PTPRD: variants seen among roughly 807,000 people sequenced by gnomAD.
PTPRD encodes protein tyrosine phosphatase receptor type D.
PTPRD carries 34 observed loss-of-function variants against 214.5 expected under a neutral mutation model. That is an observed-to-expected ratio of 0.16 (90% CI 0.12 to 0.21). The LOEUF (loss-of-function observed/expected upper bound fraction) is 0.21, where lower values mean the gene tolerates loss of function less well. Ranked by LOEUF, PTPRD falls within the 10% of genes least tolerant of loss-of-function variation. The probability of loss-of-function intolerance (pLI) is 1.00; values close to 1 mark genes in which losing one functional copy is unlikely to be tolerated. For missense variants in PTPRD, 2,545 were observed against 2,398.7 expected, an observed-to-expected ratio of 1.06 and a Z score of -1.27; for synonymous variants, 1,128 against 845.7, an observed-to-expected ratio of 1.33 and a Z score of -5.79.
chr9:9,804,399 T>G (rs958740546), intron 5 of PTPRD, among the ~76,000 whole-genome samples: 2 of 152,106 alleles, frequency 1.3e-5, no homozygotes, highest in Non-Finnish European at 2.9e-5. Context: ...TAAAAAAAGT[T>G]TAAATGGGTA....
chr9:9,275,038 T>A, intron 9 of PTPRD, among the ~76,000 whole-genome samples: 1 of 110,410 alleles, frequency 9.1e-6, no homozygotes, highest in African/African-American at 3.5e-5. Flanking sequence ...AAAATCCCTT[T>A]GTTTCCATAT....
chr9:9,305,656 A>T (rs546171652), intron 9 of PTPRD, among the ~76,000 whole-genome samples: 1 of 152,284 alleles, frequency 6.6e-6, no homozygotes, highest in African/African-American at 2.4e-5. Flanking sequence ...GATGTAATAA[A>T]CTTAAAATGA....
intron 9 of PTPRD, among the ~76,000 whole-genome samples, chr9:9,288,933 T>C (rs1950322284): frequency 6.6e-6 from 1 of 151,854 alleles, no homozygotes; most frequent in African/African-American, 2.4e-5. Flanking sequence ...AAGCACATGC[T>C]TTCTTCCCCT....
At chr9:9,000,400 G>C (rs891774677) in intron 11 of PTPRD, among the ~76,000 whole-genome samples, 1 of 152,024 alleles carries the variant, frequency 6.6e-6, no homozygotes, top group Non-Finnish European at 1.5e-5. Flanking sequence ...TAAGAGTAAA[G>C]AGAGAAGACA....
intron 11 of PTPRD, among the ~76,000 whole-genome samples, chr9:8,841,835 A>C (rs1601595118): frequency 6.6e-6 from 1 of 151,990 alleles, no homozygotes; most frequent in Non-Finnish European, 1.5e-5. Flanking sequence ...AACATGGTGA[A>C]CCCCATCTCT....
chr9:9,284,161 C>T (rs1341088516), intron 9 of PTPRD, among the ~76,000 whole-genome samples: 1 of 151,562 alleles, frequency 6.6e-6, no homozygotes, highest in African/African-American at 2.4e-5. Context: ...TAAAATAATT[C>T]CTTTTCTTGG....
At chr9:9,589,467 T>C (rs1273127281) in intron 7 of PTPRD, among the ~76,000 whole-genome samples, 1 of 152,040 alleles carries the variant, frequency 6.6e-6, no homozygotes, top group Non-Finnish European at 1.5e-5. Flanking sequence ...GACAGGTTGC[T>C]GGTGTTTCTG....
intron 8 of PTPRD, among the ~76,000 whole-genome samples, chr9:9,431,032 C>T (rs150198514): frequency 0.065 from 9,823 of 152,148 alleles, 352 homozygotes; most frequent in Middle Eastern, 0.17. Context: ...GCAATGGCAA[C>T]AAAAGCCAAA....
At chr9:9,589,212 G>C (rs1282526850) in intron 7 of PTPRD, among the ~76,000 whole-genome samples, 1 of 151,836 alleles carries the variant, frequency 6.6e-6, no homozygotes. Flanking sequence ...TTAAATATTT[G>C]ATAGTAAAAC....
intron 10 of PTPRD, among the ~76,000 whole-genome samples, chr9:9,040,720 A>G (rs2099637075): frequency 6.6e-6 from 1 of 152,234 alleles, no homozygotes; most frequent in Non-Finnish European, 1.5e-5. Context: ...AATCACAGTC[A>G]TAATATCTGT....
chr9:9,160,279 T>C (rs1395036374), intron 10 of PTPRD, among the ~76,000 whole-genome samples: 3 of 152,118 alleles, frequency 2.0e-5, no homozygotes, highest in South Asian at 2.1e-4. Context: ...AGAAAATATT[T>C]GCAAACCATT....
At chr9:9,505,895 G>T (rs573919787) in intron 8 of PTPRD, among the ~76,000 whole-genome samples, 20 of 151,372 alleles carry the variant, frequency 1.3e-4, no homozygotes, top group African/African-American at 4.3e-4. Context: ...ACAGTGACGG[G>T]ACAATCACCA....
At chr9:10,593,445 A>C (rs893995193) in intron 2 of PTPRD, among the ~76,000 whole-genome samples, 5 of 152,126 alleles carry the variant, frequency 3.3e-5, no homozygotes, top group Admixed American at 6.6e-5. Flanking sequence ...GTGGGAACTC[A>C]GTCATAAATA....
chr9:9,139,098 C>G (rs987954205), intron 10 of PTPRD, among the ~76,000 whole-genome samples: 1 of 151,740 alleles, frequency 6.6e-6, no homozygotes, highest in African/African-American at 2.4e-5. Context: ...AGGAGCCCCC[C>G]TCCCCCCCGC....
intron 10 of PTPRD, among the ~76,000 whole-genome samples, chr9:9,096,572 A>T (rs1569540088): frequency 6.6e-6 from 1 of 152,184 alleles, no homozygotes; most frequent in Non-Finnish European, 1.5e-5. Context: ...GAAGATATAG[A>T]TGATTTCTTT....
intron 9 of PTPRD, among the ~76,000 whole-genome samples, chr9:9,360,696 ATAAGT>A (rs1442762180): frequency 6.6e-6 from 1 of 151,194 alleles, no homozygotes; most frequent in African/African-American, 2.4e-5. Context: ...TTTAGCAATT[ATAAGT>A]TATTTTCATT....
chr9:9,831,300 A>G (rs1265546947), intron 5 of PTPRD, among the ~76,000 whole-genome samples: 2 of 151,988 alleles, frequency 1.3e-5, no homozygotes, highest in African/African-American at 4.8e-5. Context: ...AGCATCTCCT[A>G]TCTCTTTTAG....
chr9:10,390,417 C>G (rs922427556), intron 2 of PTPRD, among the ~76,000 whole-genome samples: 1 of 151,748 alleles, frequency 6.6e-6, no homozygotes, highest in Non-Finnish European at 1.5e-5. Flanking sequence ...TACTGGTTAC[C>G]TGAGAGTCGG....
chr9:9,573,230 G>C (rs1213660290), intron 8 of PTPRD, among the ~76,000 whole-genome samples: 1 of 151,436 alleles, frequency 6.6e-6, no homozygotes, highest in African/African-American at 2.4e-5. Flanking sequence ...AAGAAACAAA[G>C]CAATACCTAC....
Sources: allele counts gnomAD v4.1 joint callset (sites outside exome capture counted in the v4.1 genomes callset), GRCh38; gene constraint gnomAD v4.1.1; transcripts MANE v1.5; gene names NCBI Gene and HGNC (gene_info 2026-07-23, HGNC 2026-07-21).